PCDH20: variants seen among roughly 807,000 people sequenced by gnomAD.
The protein encoded by PCDH20 is protocadherin 20.
A neutral mutation model predicts 39.7 loss-of-function variants in PCDH20; 18 were observed. That is an observed-to-expected ratio of 0.45 (90% CI 0.31 to 0.67). PCDH20 has a LOEUF of 0.67. PCDH20 is among the 30% of genes least tolerant of loss of function. PCDH20 has a pLI of 0.05. For synonymous variants in PCDH20, 495 were observed against 455.4 expected, an observed-to-expected ratio of 1.09 and a Z score of -1.11; for missense variants, 1,161 against 1,167.4, an observed-to-expected ratio of 0.99 and a Z score of 0.08.
chr13:61,411,215 T>G (rs1221273873), exon 2 of PCDH20: 1 of 1,560,558 alleles, frequency 6.4e-7, no homozygotes, highest in Non-Finnish European at 8.7e-7. Flanking sequence ...AGTTAAAACA[T>G]TTCTCTGTGT....
chr13:61,412,459 T>C (rs1566222627), exon 2 of PCDH20: 1 of 1,614,170 alleles, frequency 6.2e-7, no homozygotes. Context: ...GGGTGAGTTG[T>C]TCTCTTCGAT....
At chr13:61,413,489 C>T (rs2138020144) in exon 2 of PCDH20, 1 of 1,613,852 alleles carries the variant, frequency 6.2e-7, no homozygotes, top group Non-Finnish European at 8.5e-7. Context: ...GGGGCGTTGT[C>T]ATTGATGTCT....
exon 2 of PCDH20, chr13:61,412,634 G>A (rs770540925): frequency 1.4e-5 from 23 of 1,613,922 alleles, no homozygotes; most frequent in Non-Finnish European, 1.1e-5. Context: ...GTGGTCTCTA[G>A]TAAATATTCA....
chr13:61,411,030 A>G, exon 2 of PCDH20: 1 of 409,756 alleles, frequency 2.4e-6, no homozygotes, highest in Non-Finnish European at 4.3e-6. Flanking sequence ...TACAAGTCCT[A>G]TAGCTGTTAG....
exon 2 of PCDH20, chr13:61,411,949 C>G: frequency 6.2e-7 from 1 of 1,614,084 alleles, no homozygotes; most frequent in Non-Finnish European, 8.5e-7. Flanking sequence ...AGGCTCACCC[C>G]CATCAACAGC....
chr13:61,413,050 C>T (rs1871434912), exon 2 of PCDH20: 6 of 1,613,954 alleles, frequency 3.7e-6, no homozygotes, highest in African/African-American at 1.3e-5. Flanking sequence ...AGCATTGGTC[C>T]CCAAGTCTTT....
chr13:61,410,354 A>G (rs1357125781), exon 2 of PCDH20: 1 of 152,180 alleles, frequency 6.6e-6, no homozygotes, highest in Non-Finnish European at 1.5e-5. Flanking sequence ...TAACCCAAGT[A>G]TAAAGTACGA....
chr13:61,411,230 C>A (rs780146595), exon 2 of PCDH20: 1 of 1,589,398 alleles, frequency 6.3e-7, no homozygotes. Context: ...CTGTGTTATT[C>A]CACCATGAAA....
exon 2 of PCDH20, chr13:61,411,982 C>T: frequency 6.2e-7 from 1 of 1,614,144 alleles, no homozygotes; most frequent in Non-Finnish European, 8.5e-7. Context: ...AGTATAGGAG[C>T]TTTGCTGCTC....
chr13:61,411,327 T>C, exon 2 of PCDH20: 1 of 1,614,152 alleles, frequency 6.2e-7, no homozygotes, highest in South Asian at 1.1e-5. Context: ...CTTCCAAATT[T>C]TCATCTTCCC....
At chr13:61,411,397 A>T in exon 2 of PCDH20, 1 of 1,614,032 alleles carries the variant, frequency 6.2e-7, no homozygotes, top group Non-Finnish European at 8.5e-7. Context: ...GACCAGTGTG[A>T]TGGAACCCAA....
In PCDH20 at chr13:61,413,424, G is replaced by A. The variant is rs758384790; in HGVS notation, c.675C>T (p.Asn225=). 84 of 1,613,928 alleles carry A rather than the reference G, an allele frequency of 5.2e-5. 1 individual carries two copies. The South Asian group carries it at 9.1e-4, about 18-fold the overall frequency. Residue 225 remains asparagine (N), a synonymous_variant, in exon 2 of 2, where the codon AAC becomes AAT. Transcript: ENST00000409204. ...CAGGATGCTCTATGGCCAGTCGGGT[G>A]TTTACAGGTGCATTTTCCGGGACCC...
chr13:61,415,157 A>C (rs182750134), exon 1 of PCDH20: 2 of 1,434,976 alleles, frequency 1.4e-6, no homozygotes, highest in Non-Finnish European at 1.9e-6. Context: ...TCGGCCGCGC[A>C]TTCCCTGGGA....
At chr13:61,414,631 G>A (rs1479711591) in intron 1 of PCDH20, among the ~76,000 whole-genome samples, 4 of 152,126 alleles carry the variant, frequency 2.6e-5, no homozygotes, top group Non-Finnish European at 5.9e-5. Context: ...TTACCAAGCA[G>A]TCACTAATCC....
chr13:61,413,110 T>A (rs377479414), exon 2 of PCDH20: 1 of 1,614,054 alleles, frequency 6.2e-7, no homozygotes, highest in African/African-American at 1.3e-5. Flanking sequence ...AGCATTCCCA[T>A]ACACAGTGAC....
At chr13:61,410,508 A>G (rs1878224269) in exon 2 of PCDH20, 1 of 152,494 alleles carries the variant, frequency 6.6e-6, no homozygotes, top group African/African-American at 2.4e-5. Flanking sequence ...ATGTATGTAT[A>G]AATCTATTTC....
exon 2 of PCDH20, chr13:61,411,774 G>T: frequency 6.2e-7 from 1 of 1,614,180 alleles, no homozygotes. Flanking sequence ...CAGCATTCAT[G>T]CCTGTGTCTT....
intron 1 of PCDH20, 151 bp downstream of exon 1, chr13:61,414,876 C>G: frequency 1.1e-6 from 1 of 936,460 alleles, no homozygotes; most frequent in Non-Finnish European, 1.4e-6. Context: ...AAAAGGAAGA[C>G]ACATTATCCC....
chr13:61,412,772 C>A lies in PCDH20; in HGVS notation c.1327G>T (p.Glu443Ter), dbSNP rs748943494. 6.2e-7 allele frequency: 1 copy of A among 1,614,108 alleles called. No individual in the cohort carries two copies. The highest frequency in any genetic ancestry group is 1.7e-5 in the Admixed American group (1 of 60,014). Residue 443 changes from glutamate to a stop codon, truncating the protein, a stop_gained, in exon 2 of 2, where the codon GAA (glutamate) becomes TAA (stop). Coordinates refer to ENST00000409204, the Ensembl canonical transcript of PCDH20. LOFTEE classifies it high-confidence loss of function. ...ATGGGAGTGTTAACGGGTTCCAGTTCTTTCAGATAAACCACACCATCTATC... is the reference window on the plus strand; with the variant it reads ...ATGGGAGTGTTAACGGGTTCCAGTTATTTCAGATAAACCACACCATCTATC...
Sources: gnomAD v4.1 joint callset for allele counts (sites outside exome capture counted in the v4.1 genomes callset) on GRCh38, gnomAD v4.1.1 for gene constraint, MANE v1.5 for transcripts, NCBI Gene and HGNC (gene_info 2026-07-23, HGNC 2026-07-21) for gene names.